The following NCAM1 variants were observed in gnomAD, a reference collection of about 807,000 sequenced individuals.
NCAM1 encodes neural cell adhesion molecule 1.
A neutral mutation model predicts 109.8 loss-of-function variants in NCAM1; 14 were observed. The ratio of observed to expected loss-of-function variants is 0.13; its 90% CI spans 0.08 to 0.20. The LOEUF (loss-of-function observed/expected upper bound fraction) is 0.20. Among genes scored for constraint, NCAM1 ranks in the 10% least tolerant of loss-of-function variants. The probability of loss-of-function intolerance (pLI) is 1.00; values close to 1 mark genes in which losing one functional copy is unlikely to be tolerated. For synonymous variants in NCAM1, 418 were observed against 442.9 expected (o/e 0.94, Z 0.70); for missense variants, 774 against 1,109.9 (o/e 0.70, Z 4.30).
chr11:113,023,646 C>CTGTGTG (rs1211666757), intron 1 of NCAM1, among the ~76,000 whole-genome samples: 2 of 152,152 alleles, frequency 1.3e-5, no homozygotes, highest in Non-Finnish European at 2.9e-5. Flanking sequence ...CCGTTTTCCT[C>CTGTGTG]TGTGTGTTTG....
At chr11:113,017,163 C>T (rs913024821) in intron 1 of NCAM1, among the ~76,000 whole-genome samples, 4 of 152,180 alleles carry the variant, frequency 2.6e-5, no homozygotes, top group African/African-American at 9.7e-5. Context: ...ACTGCTCCAC[C>T]TTCTCTCAGA....
intron 1 of NCAM1, among the ~76,000 whole-genome samples, chr11:113,161,992 G>A (rs193283956): frequency 5.3e-5 from 8 of 152,314 alleles, no homozygotes; most frequent in Admixed American, 2.0e-4. Flanking sequence ...TGTGCCAGGT[G>A]AACTGCTGTT....
At chr11:112,989,242 A>G (rs1422711495) in intron 1 of NCAM1, among the ~76,000 whole-genome samples, 2 of 152,046 alleles carry the variant, frequency 1.3e-5, no homozygotes, top group Non-Finnish European at 2.9e-5. Context: ...CATAACTTGT[A>G]TATTTGTATG....
chr11:113,041,197 G>C (rs1186884826), intron 1 of NCAM1: 1 of 152,124 alleles, frequency 6.6e-6, no homozygotes, highest in African/African-American at 2.4e-5. Flanking sequence ...GATATGTGCA[G>C]GATTTTACTG....
chr11:113,260,001 A>G (rs1171431645), intron 16 of NCAM1, 145 bp from the exon 17 acceptor site: 2 of 679,406 alleles, frequency 2.9e-6, no homozygotes, highest in Non-Finnish European at 4.8e-6. Flanking sequence ...CACCGCGCCC[A>G]CCCCCATCAT....
intron 1 of NCAM1, among the ~76,000 whole-genome samples, chr11:113,072,614 T>C (rs1333171725): frequency 6.6e-6 from 1 of 152,186 alleles, no homozygotes; most frequent in Admixed American, 6.5e-5. Context: ...ACCAACCTCA[T>C]CTGGTGCACA....
At chr11:113,009,894 A>G (rs1555074058) in intron 1 of NCAM1, among the ~76,000 whole-genome samples, 3 of 152,248 alleles carry the variant, frequency 2.0e-5, no homozygotes, top group Non-Finnish European at 2.9e-5. Context: ...CAACAGATGC[A>G]TAAGAGACCA....
chr11:113,013,746 C>A (rs1952135035), intron 1 of NCAM1, among the ~76,000 whole-genome samples: 1 of 152,092 alleles, frequency 6.6e-6, no homozygotes, highest in African/African-American at 2.4e-5. Context: ...AAGTTAAAGT[C>A]AATATTAGCC....
chr11:113,045,562 A>G (rs1249234839), intron 1 of NCAM1, among the ~76,000 whole-genome samples: 2 of 152,222 alleles, frequency 1.3e-5, no homozygotes, highest in African/African-American at 4.8e-5. Context: ...ACAAAATGTA[A>G]AGCAATAGAA....
intron 1 of NCAM1, among the ~76,000 whole-genome samples, chr11:113,114,392 T>C (rs1339078412): frequency 6.6e-6 from 1 of 152,170 alleles, no homozygotes; most frequent in African/African-American, 2.4e-5. Context: ...CTCTAGAAGA[T>C]GTTGCTCCTA....
At position 113,274,168 on chromosome 11, in the gene NCAM1, G is replaced by C. The variant is rs1275556739; in HGVS notation, c.2457-1099G>C. The stretch of plus-strand genomic sequence containing the variant: ...GGCACTGATGTGCAGGAAGAAAAGA[G>C]GTAGGCCCCAGGCCCGTGGCAGGGG... On this transcript the variant is annotated intron_variant, in intron 19 of 19. Coordinates refer to ENST00000316851, the MANE Select transcript of NCAM1 (RefSeq NM_181351.5). The surrounding 1 kb of genome is among the most constrained non-coding windows in gnomAD (Gnocchi z 4.1). Among the ~76,000 whole-genome samples, 1 of 152,162 alleles carries C rather than the reference G, an allele frequency of 6.6e-6. No individual in the cohort carries two copies. Among genetic ancestry groups the C allele is most frequent in the Non-Finnish European group, 1.5e-5 (1 of 68,028 alleles).
rs573676003 is a variant in NCAM1, at chr11:113,128,514, G to A, written c.53-73865G>A. Reference sequence around the variant, plus strand: ...ATGAGACATTTGTTTAAGAAGAAAAGTCACGATAAGGGGTATATACTCCAT... The same window carrying A: ...ATGAGACATTTGTTTAAGAAGAAAAATCACGATAAGGGGTATATACTCCAT... On this transcript the variant is annotated intron_variant, in intron 1 of 19. Coordinates refer to ENST00000316851, the MANE Select transcript of NCAM1 (RefSeq NM_181351.5). 3.3e-5 allele frequency among the ~76,000 whole-genome samples: 5 copies of A among 152,000 alleles called. No individual in the cohort carries two copies. The South Asian group carries it at 1.0e-3, about 32-fold the overall frequency.
In NCAM1 at chr11:113,255,921, G is replaced by A; in HGVS notation, c.1873G>A (p.Gly625Arg). 1 of 1,611,842 alleles carries A rather than the reference G, an allele frequency of 6.2e-7. No individual in the cohort carries two copies. ...PKLEGQMGED[G>R]NSIKVNLIKQ... ...GCTCGAAGGGCAGATGGGAGAGGAT[G>A]GAAACTCTATTAAAGTGAACCTGAT... is the stretch of plus-strand genomic sequence containing the variant. The change falls in exon 16 of 20, where the codon GGA becomes AGA. Residue 625 changes from glycine to arginine, a missense_variant. Transcript: ENST00000316851.
In NCAM1 at chr11:113,118,510, G is replaced by T. The variant is rs7934069; in HGVS notation, c.53-83869G>T. ...GGTGCTTTTGAGAATGAAAAGGGGAGCCTGGACCATTGCAGGGCCTTCTTC... is the reference window on the plus strand; with the variant it reads ...GGTGCTTTTGAGAATGAAAAGGGGATCCTGGACCATTGCAGGGCCTTCTTC... On this transcript the variant is annotated intron_variant, in intron 1 of 19. Transcript: ENST00000316851. Among the ~76,000 whole-genome samples, 1,505 of 152,056 alleles carry T rather than the reference G, an allele frequency of 9.9e-3. 47 individuals carry two copies. Among genetic ancestry groups the T allele is most frequent in the African/African-American group, 0.034 (1,420 of 41,318 alleles).
Position 113,275,418 on chromosome 11 carries a change from T to C in NCAM1, c.*31T>C. The C allele has an allele frequency of 6.2e-7, 1 of 1,600,548 alleles. No individual in the cohort carries two copies. The highest frequency in any genetic ancestry group is 8.5e-7 in the Non-Finnish European group (1 of 1,173,482). ...GAAGAGAACCGAGCAAAGATCAAAA[T>C]AAAAAGTGACACAGCAGCTTCACCA... On this transcript the variant is annotated 3_prime_UTR_variant, in exon 20 of 20. Coordinates refer to ENST00000316851, the MANE Select transcript of NCAM1 (RefSeq NM_181351.5).
At chr11:113,214,562 G>C (rs1224934341) in intron 8 of NCAM1, 51 bp downstream of exon 8, 1 of 1,542,388 alleles carries the variant, frequency 6.5e-7, no homozygotes, top group Non-Finnish European at 8.8e-7. Flanking sequence ...ACTCAAAGCA[G>C]ATTGAGTCTG....
At chr11:113,026,510 C>G (rs547028767) in intron 1 of NCAM1, among the ~76,000 whole-genome samples, 1 of 152,004 alleles carries the variant, frequency 6.6e-6, no homozygotes, top group Non-Finnish European at 1.5e-5. Context: ...CTAGTGGCAC[C>G]CTTAAGGATG....
chr11:113,031,140 A>T (rs1952700469), intron 1 of NCAM1, among the ~76,000 whole-genome samples: 1 of 152,172 alleles, frequency 6.6e-6, no homozygotes, highest in Admixed American at 6.5e-5. Flanking sequence ...AACTTGTTTT[A>T]TGTGTGTTTC....
chr11:113,110,523 T>C (rs1457959689), intron 1 of NCAM1, among the ~76,000 whole-genome samples: 2 of 152,186 alleles, frequency 1.3e-5, no homozygotes, highest in African/African-American at 4.8e-5. Flanking sequence ...GTCATTCATA[T>C]AGGGGGAGAG....
Sources: gnomAD v4.1 joint callset for allele counts (sites outside exome capture counted in the v4.1 genomes callset) on GRCh38, gnomAD v4.1.1 for gene constraint, Gnocchi (gnomAD v3.1) non-coding constraint, MANE v1.5 for transcripts, NCBI Gene and HGNC (gene_info 2026-07-23, HGNC 2026-07-21) for gene names.